GBP2: variants seen among roughly 807,000 people sequenced by gnomAD.
GBP2 encodes the protein guanylate binding protein 2.
GBP2 carries 54 observed loss-of-function variants against 60.8 expected under a neutral mutation model. That is an observed-to-expected ratio of 0.89 (90% confidence interval 0.71 to 1.11). The LOEUF (loss-of-function observed/expected upper bound fraction) is 1.11. Ranked by LOEUF, GBP2 falls within the 50% of genes most tolerant of loss-of-function variation. The pLI is 0.00. For missense variants in GBP2, 665 were observed against 703.3 expected (o/e 0.95, Z 0.62); for synonymous variants, 243 against 256.5 (o/e 0.95, Z 0.50).
intron 6 of GBP2, among the ~76,000 whole-genome samples, chr1:89,115,554 C>T (rs992935928): frequency 1.3e-5 from 2 of 152,140 alleles, no homozygotes; most frequent in African/African-American, 4.8e-5. Flanking sequence ...ATTATGACAC[C>T]ACTCTTATTC....
In GBP2 at chr1:89,116,878, GC is replaced by G. The variant is rs1435677887; in HGVS notation, c.868+113del. ...ATGATTTTCATGTTGTATTTTCCTT[GC>G]CATCAATAGACTATGCATTTGTCAG... On this transcript the variant is annotated intron_variant, in intron 6 of 10. Coordinates refer to ENST00000370466, the MANE Select transcript of GBP2 (RefSeq NM_004120.5). The G allele has an allele frequency of 5.2e-6, 5 of 964,942 alleles. No homozygotes were observed. In the East Asian group the frequency reaches 1.2e-4, roughly 24 times the overall value. The allele number at this position is 964,942 out of a possible 1,614,324, so 59.8% of individuals were successfully genotyped here.
In GBP2 at chr1:89,117,667, T is replaced by C; in HGVS notation, c.535A>G (p.Thr179Ala). ...AGTTCCAGGGTGAAATCTCTGAGAGTCCACACAAATGCTGGAAAAAAGCTC... is the reference window on the plus strand; with the variant it reads ...AGTTCCAGGGTGAAATCTCTGAGAGCCCACACAAATGCTGGAAAAAAGCTC... ...FVSFFPAFVWTLRDFTLELEV... is the reference protein window; with the variant it reads ...FVSFFPAFVWALRDFTLELEV... The change falls in exon 5 of 11, where the codon ACT becomes GCT. Residue 179 changes from threonine to alanine, a missense_variant. Thr to Ala is a moderately conservative substitution (Grantham distance 58). Transcript: ENST00000370466. The C allele has an allele frequency of 1.2e-6, 2 of 1,613,906 alleles. No individual in the cohort carries two copies. The highest frequency in any genetic ancestry group is 8.5e-7 in the Non-Finnish European group (1 of 1,179,948).
rs1164429580 is a variant in GBP2 at position 89,124,542 on chromosome 1, CATACAT to C, written c.-18+1315_-18+1320del. The stretch of plus-strand genomic sequence containing the variant: ...AACTTTTACCTGGGGAATCTTGTGT[CATACAT>C]ATCTCCATACTTTGAAACATAGATA... On this transcript the variant is annotated intron_variant, in intron 1 of 10. Transcript: ENST00000370466. Among the ~76,000 whole-genome samples the C allele has an allele frequency of 2.6e-5, 4 of 152,198 alleles. No individual in the cohort carries two copies. In the South Asian group the frequency reaches 8.3e-4, roughly 32 times the overall value.
chr1:89,114,560 C>T (rs1681230774), intron 6 of GBP2, among the ~76,000 whole-genome samples: 1 of 152,150 alleles, frequency 6.6e-6, no homozygotes, highest in Non-Finnish European at 1.5e-5. Context: ...TCTTACCTTT[C>T]TTTTCTCTCA....
At position 89,117,647 on chromosome 1, in the gene GBP2, CA is replaced by C. The variant is rs1189728984; in HGVS notation, c.554del (p.Leu185ArgfsTer5). 3 of 1,613,970 alleles carry C rather than the reference CA, an allele frequency of 1.9e-6. No homozygotes were observed. The highest frequency in any genetic ancestry group is 2.7e-5 in the African/African-American group (2 of 74,918). ...AFVWTLRDFT[L>X]ELEVDGEPIT... ...TGGGTTCTCCATCTACTTCCAGTTC[CA>C]GGGTGAAATCTCTGAGAGTCCACAC... On this transcript the variant is annotated frameshift_variant, in exon 5 of 11. Transcript: ENST00000370466. LOFTEE classifies it high-confidence loss of function.
intron 7 of GBP2, among the ~76,000 whole-genome samples, chr1:89,113,644 TA>T (rs201301247): frequency 6.6e-6 from 1 of 152,144 alleles, no homozygotes. Flanking sequence ...GGCTCACATT[TA>T]AAAAAATTAT....
chr1:89,107,967 A>G lies in GBP2; in HGVS notation c.*208T>C. 4.7e-6 allele frequency: 2 copies of G among 421,074 alleles called. No homozygotes were observed. The highest frequency in any genetic ancestry group is 8.5e-6 in the Non-Finnish European group (2 of 234,464). 26.1% of individuals were successfully genotyped at this position (421,074 alleles called of 1,614,324 possible). A position where few individuals can be genotyped will look rare whatever the true frequency, so the allele number is the denominator to read the frequency against. ...AAAGATCATATTAAAAGTTAGTACT[A>G]TAAATAAGCATGAGTTGAATTGCTC... On this transcript the variant is annotated 3_prime_UTR_variant, in exon 11 of 11. Coordinates refer to ENST00000370466, the MANE Select transcript of GBP2 (RefSeq NM_004120.5).
chr1:89,108,164 T>C lies in GBP2; in HGVS notation c.*11A>G, dbSNP rs778645043. The stretch of plus-strand genomic sequence containing the variant: ...AGGGAGCTGGACAGGCAAATTTTGC[T>C]CCTTGGACTTTTAGAGTATGTTACA... On this transcript the variant is annotated 3_prime_UTR_variant, in exon 11 of 11. Coordinates refer to ENST00000370466, the MANE Select transcript of GBP2 (RefSeq NM_004120.5). 2.6e-6 allele frequency: 4 copies of C among 1,537,748 alleles called. No individual in the cohort carries two copies. Among genetic ancestry groups the C allele is most frequent in the Non-Finnish European group, 3.6e-6 (4 of 1,114,746 alleles).
intron 2 of GBP2, 128 bp from the exon 3 acceptor site, chr1:89,121,398 C>T: frequency 3.7e-6 from 3 of 815,182 alleles, no homozygotes; most frequent in South Asian, 5.1e-5. Context: ...ATCTTAATTA[C>T]AATCCTGGAA....
rs116982209 is a variant in GBP2 at position 89,114,393 on chromosome 1, A to G, written c.869-97T>C. 2.6e-4 allele frequency: 359 copies of G among 1,379,326 alleles called. 1 individual carries two copies. In the East Asian group the frequency reaches 8.1e-3, roughly 31 times the overall value. 85.4% of individuals were successfully genotyped at this position (1,379,326 alleles called of 1,614,324 possible). A position where few individuals can be genotyped will look rare whatever the true frequency, so the allele number is the denominator to read the frequency against. The stretch of plus-strand genomic sequence containing the variant: ...TGAGTGTCACAAATAATACTTTTAA[A>G]TAAGTTTTGGATAAAGAATAGTAAT... On this transcript the variant is annotated intron_variant, in intron 6 of 10. Transcript: ENST00000370466.
rs1195963505 is a variant in GBP2, at chr1:89,106,444, A to T, written c.*1731T>A. The T allele has an allele frequency of 6.6e-6, 1 of 152,228 alleles. No individual in the cohort carries two copies. Among genetic ancestry groups the T allele is most frequent in the African/African-American group, 2.4e-5 (1 of 41,450 alleles). 9.4% of individuals were successfully genotyped at this position (152,228 alleles called of 1,614,324 possible). ...TCCTATTAAGTCTTTCTTAAGTATC[A>T]TTGTTAAAAACTAAGAATAACTTAA... is the stretch of plus-strand genomic sequence containing the variant. On this transcript the variant is annotated 3_prime_UTR_variant, in exon 11 of 11. Coordinates refer to ENST00000370466, the MANE Select transcript of GBP2 (RefSeq NM_004120.5).
At chr1:89,111,718 T>C (rs1245409842) in intron 8 of GBP2, among the ~76,000 whole-genome samples, 2 of 152,114 alleles carry the variant, frequency 1.3e-5, no homozygotes, top group Non-Finnish European at 2.9e-5. Context: ...ACAACATACT[T>C]GAGAGCATAA....
In GBP2 at chr1:89,107,203, CA is replaced by C. The variant is rs1350908486; in HGVS notation, c.*971del. 5.3e-5 allele frequency among the ~76,000 whole-genome samples: 8 copies of C among 151,080 alleles called. No individual in the cohort carries two copies. Among genetic ancestry groups the C allele is most frequent in the Non-Finnish European group, 1.0e-4 (7 of 67,806 alleles). On this transcript the variant is annotated 3_prime_UTR_variant, in exon 11 of 11. Transcript: ENST00000370466. ...AATTATTCTTGATTTTTCAATCTGT[CA>C]TTTTTTTTTTTTTAGTAAGTCATTT...
chr1:89,109,648 G>A (rs1681122698), intron 10 of GBP2, 29 bp downstream of exon 10: 2 of 1,601,694 alleles, frequency 1.2e-6, no homozygotes, highest in Non-Finnish European at 1.7e-6. Context: ...GGCACTGGAA[G>A]AGAAAATTGA....
At chr1:89,123,205 T>C (rs1681445357) in intron 1 of GBP2, among the ~76,000 whole-genome samples, 1 of 152,134 alleles carries the variant, frequency 6.6e-6, no homozygotes, top group African/African-American at 2.4e-5. Flanking sequence ...ATCGACCATT[T>C]CTCCCAAGGG....
chr1:89,117,233 A>T lies in GBP2; in HGVS notation c.627T>A (p.Gly209=). The T allele has an allele frequency of 6.2e-7, 1 of 1,609,112 alleles. No homozygotes were observed. The highest frequency in any genetic ancestry group is 8.5e-7 in the Non-Finnish European group (1 of 1,175,972). Residue 209 remains glycine (G), a splice_region_variant and synonymous_variant, in exon 6 of 11, where the codon GGT becomes GGA. Coordinates refer to ENST00000370466, the MANE Select transcript of GBP2 (RefSeq NM_004120.5). ...TAAAGCTTTTACTTTTCTTATCAGT[A>T]CCTACAGGAATGAAAATTAGAAGTA... ...YLELSLKLRK[G]TDKKSKSFND...
intron 2 of GBP2, among the ~76,000 whole-genome samples, chr1:89,121,545 A>T (rs1399140238): frequency 6.6e-6 from 1 of 152,244 alleles, no homozygotes; most frequent in Non-Finnish European, 1.5e-5. Context: ...TTTCTTTATT[A>T]ACATTGTGTT....
rs750410602 is a variant in GBP2, at chr1:89,121,758, C to T, written c.190+19G>A. On this transcript the variant is annotated intron_variant, in intron 2 of 10. Coordinates refer to ENST00000370466, the MANE Select transcript of GBP2 (RefSeq NM_004120.5). ...GTGTACGGACAGAAGGGGCTTAGAG[C>T]TTTGCTGGTGTCACTCACCGTTTTT... is the stretch of plus-strand genomic sequence containing the variant. 7 of 1,611,664 alleles carry T rather than the reference C, an allele frequency of 4.3e-6. No homozygotes were observed. In the Middle Eastern group the frequency reaches 5.0e-4, roughly 115 times the overall value.
Position 89,125,237 on chromosome 1 carries a change from A to C in GBP2, c.-18+626T>G, listed in dbSNP as rs940045111. 6.6e-5 allele frequency among the ~76,000 whole-genome samples: 10 copies of C among 152,306 alleles called. No homozygotes were observed. The East Asian group carries it at 1.7e-3, about 26-fold the overall frequency. Reference sequence around the variant, plus strand: ...AAAGAGTGCTTTGTTTATAATATGGAGTCGATTACTTCTGACTTGCTCTGA... The same window carrying C: ...AAAGAGTGCTTTGTTTATAATATGGCGTCGATTACTTCTGACTTGCTCTGA... On this transcript the variant is annotated intron_variant, in intron 1 of 10. Coordinates refer to ENST00000370466, the MANE Select transcript of GBP2 (RefSeq NM_004120.5).
Sources: gnomAD v4.1 joint callset for allele counts (sites outside exome capture counted in the v4.1 genomes callset) on GRCh38, gnomAD v4.1.1 for gene constraint, MANE v1.5 for transcripts, NCBI Gene and HGNC (gene_info 2026-07-23, HGNC 2026-07-21) for gene names.